Variants in LPP observed in about 807,000 individuals in gnomAD.
LPP encodes the protein lipoma-preferred partner.
A neutral mutation model predicts 60.4 loss-of-function variants in LPP; 38 were observed. The ratio of observed to expected loss-of-function variants is 0.63; its 90% CI spans 0.49 to 0.83. The LOEUF (loss-of-function observed/expected upper bound fraction) is 0.83, where lower values mean the gene tolerates loss of function less well. Ranked by LOEUF, LPP falls within the 40% of genes least tolerant of loss-of-function variation. The pLI, the probability that LPP is intolerant of heterozygous loss-of-function variation, is 0.00. For synonymous variants in LPP, 328 were observed against 290.8 expected (o/e 1.13, Z -1.30); for missense variants, 902 against 783.6 (o/e 1.15, Z -1.80).
chr3:188,442,866 T>C (rs891831560), intron 4 of LPP, among the ~76,000 whole-genome samples: 2 of 151,848 alleles, frequency 1.3e-5, no homozygotes, highest in Non-Finnish European at 2.9e-5. Flanking sequence ...GCTGGCTCTG[T>C]GAAGAAGAAG....
Position 188,774,172 on chromosome 3 carries a change from CT to C in LPP, c.1410+13900del, listed in dbSNP as rs552026676. Among the ~76,000 whole-genome samples, 790 of 149,952 alleles carry C rather than the reference CT, an allele frequency of 5.3e-3. 6 individuals carry two copies. Among genetic ancestry groups the C allele is most frequent in the Non-Finnish European group, 6.4e-3 (428 of 67,260 alleles). ...ACAGATGTCCTGTCATCAGATAGGACTTTTTTTTTTCTTTTTAATGTCGGCA... is the reference window on the plus strand; with the variant it reads ...ACAGATGTCCTGTCATCAGATAGGACTTTTTTTTTCTTTTTAATGTCGGCA... On this transcript the variant is annotated intron_variant, in intron 9 of 11. Transcript: ENST00000617246.
intron 9 of LPP, among the ~76,000 whole-genome samples, chr3:188,820,274 TG>T (rs1753608127): frequency 1.6e-5 from 2 of 125,876 alleles, no homozygotes; most frequent in African/African-American, 7.5e-5. Context: ...CTGGTGTTTG[TG>T]TGTGTGTGTT....
In LPP at chr3:188,769,984, G is replaced by A. The variant is rs570806979; in HGVS notation, c.1410+9702G>A. ...ACCACTCAATGTTTGCCAGAGTTTG[G>A]ATGAATGTCAGCATCAGGCTACTGT... On this transcript the variant is annotated intron_variant, in intron 9 of 11. Transcript: ENST00000617246. Among the ~76,000 whole-genome samples the A allele has an allele frequency of 3.3e-5, 5 of 152,162 alleles. No individual in the cohort carries two copies. The South Asian group carries it at 8.3e-4, about 25-fold the overall frequency.
At chr3:188,693,228 C>A (rs1322851130) in intron 7 of LPP, among the ~76,000 whole-genome samples, 1 of 152,144 alleles carries the variant, frequency 6.6e-6, no homozygotes, top group Non-Finnish European at 1.5e-5. Flanking sequence ...GGTACAAATC[C>A]TAGCTCCTTC....
chr3:188,348,527 C>T (rs1764996346), intron 3 of LPP, among the ~76,000 whole-genome samples: 1 of 152,232 alleles, frequency 6.6e-6, no homozygotes, highest in Non-Finnish European at 1.5e-5. Context: ...GATTAATAAT[C>T]CTTATCACAG....
intron 2 of LPP, among the ~76,000 whole-genome samples, chr3:188,321,027 T>G (rs983252157): frequency 1.3e-5 from 2 of 152,226 alleles, no homozygotes; most frequent in African/African-American, 4.8e-5. Context: ...ATGGAGCCAT[T>G]TCTCCCTCTG....
chr3:188,491,522 G>A (rs1808372106), intron 5 of LPP, among the ~76,000 whole-genome samples: 1 of 152,202 alleles, frequency 6.6e-6, no homozygotes, highest in Non-Finnish European at 1.5e-5. Flanking sequence ...AACCCCAGTT[G>A]ATTTGTAGCT....
chr3:188,285,949 A>G (rs1370105852), intron 2 of LPP, among the ~76,000 whole-genome samples: 1 of 151,812 alleles, frequency 6.6e-6, no homozygotes, highest in Non-Finnish European at 1.5e-5. Context: ...GCTGTACCGA[A>G]CTCTTTGTAT....
rs193162853 is a variant in LPP at position 188,645,071 on chromosome 3, T to C, written c.1113+35227T>C. Among the ~76,000 whole-genome samples, 786 of 152,328 alleles carry C rather than the reference T, an allele frequency of 5.2e-3. 1 individual carries two copies. Among genetic ancestry groups the C allele is most frequent in the Middle Eastern group, 0.01 (3 of 294 alleles). ...TAAATGAGAAATACATGTGAATACC[T>C]AGCCGCTTCTGGAAAATAGTATGTA... On this transcript the variant is annotated intron_variant, in intron 7 of 11. Transcript: ENST00000617246.
intron 6 of LPP, chr3:188,568,547 T>C (rs928785383): frequency 7.2e-5 from 11 of 151,932 alleles, no homozygotes; most frequent in African/African-American, 2.7e-4. Flanking sequence ...AGTCTTCCAT[T>C]TGGTGCTATA....
At chr3:188,256,734 T>G (rs1479612211) in intron 2 of LPP, among the ~76,000 whole-genome samples, 1 of 152,184 alleles carries the variant, frequency 6.6e-6, no homozygotes, top group Non-Finnish European at 1.5e-5. Flanking sequence ...CAGACGATGA[T>G]AATGAGAGAT....
intron 8 of LPP, chr3:188,759,615 G>A (rs1731474964): frequency 1.3e-5 from 2 of 156,050 alleles, no homozygotes. Flanking sequence ...ACTGAGAGCT[G>A]GCTGCAGAGG....
intron 2 of LPP, among the ~76,000 whole-genome samples, chr3:188,259,260 A>G (rs1243324091): frequency 6.6e-6 from 1 of 152,162 alleles, no homozygotes; most frequent in African/African-American, 2.4e-5. Flanking sequence ...ATCCAGAGAC[A>G]TTTGCCTTGC....
chr3:188,669,860 C>A (rs1856610767), intron 7 of LPP, among the ~76,000 whole-genome samples: 1 of 152,174 alleles, frequency 6.6e-6, no homozygotes, highest in Non-Finnish European at 1.5e-5. Context: ...ACCCAAATGT[C>A]CATCAATGAT....
At chr3:188,371,623 A>ATATATG (rs1442293024) in intron 3 of LPP, among the ~76,000 whole-genome samples, 2 of 21,346 alleles carry the variant, frequency 9.4e-5, no homozygotes, top group Admixed American at 1.5e-3. Flanking sequence ...GAAAATATAT[A>ATATATG]TATATATATA....
intron 4 of LPP, among the ~76,000 whole-genome samples, chr3:188,458,939 A>T (rs1798371500): frequency 6.6e-6 from 1 of 151,570 alleles, no homozygotes; most frequent in African/African-American, 2.4e-5. Context: ...GTAAGGGTTT[A>T]AACTCTATGT....
At chr3:188,824,116 CTGTA>C (rs1754732394) in intron 9 of LPP, among the ~76,000 whole-genome samples, 1 of 152,180 alleles carries the variant, frequency 6.6e-6, no homozygotes, top group Non-Finnish European at 1.5e-5. Context: ...TCTGGCTCTA[CTGTA>C]TACTAGTAGT....
In LPP at chr3:188,609,658, C is replaced by A; in HGVS notation, c.927C>A (p.Gly309=). The A allele has an allele frequency of 1.2e-6, 2 of 1,614,128 alleles. No individual in the cohort carries two copies. Among genetic ancestry groups the A allele is most frequent in the Non-Finnish European group, 1.7e-6 (2 of 1,180,016 alleles). The change falls in exon 7 of 12, where the codon GGC becomes GGA. Residue 309 remains glycine (G), a synonymous_variant. Coordinates refer to ENST00000617246, the MANE Select transcript of LPP (RefSeq NM_001375462.1). This position sits in a 1 kb window ranked among gnomAD's most constrained non-coding sequence, Gnocchi z 6.9. The stretch of plus-strand genomic sequence containing the variant: ...ATGCAGCAGGGCCAGGCTATGGGGG[C>A]AGAAATGACTCTGACCCTACCTATG... ...GYYAAGPGYG[G]RNDSDPTYGQ...
intron 6 of LPP, among the ~76,000 whole-genome samples, chr3:188,608,087 G>C (rs1281005089): frequency 6.6e-6 from 1 of 152,082 alleles, no homozygotes; most frequent in African/African-American, 2.4e-5. Context: ...CAATAGATTA[G>C]ACCAAATAGA....
Sources: gnomAD v4.1 joint callset for allele counts (sites outside exome capture counted in the v4.1 genomes callset) on GRCh38, gnomAD v4.1.1 for gene constraint, Gnocchi (gnomAD v3.1) non-coding constraint, MANE v1.5 for transcripts, NCBI Gene and HGNC (gene_info 2026-07-23, HGNC 2026-07-21) for gene names.